The following GRM8 variants were observed in gnomAD, a reference collection of about 807,000 sequenced individuals.
The protein encoded by GRM8 is glutamate metabotropic receptor 8, also known as metabotropic glutamate receptor 8.
GRM8 carries 47 observed loss-of-function variants against 87.2 expected under a neutral mutation model. The observed-to-expected ratio is 0.54, with a 90% CI of 0.43 to 0.69. GRM8 has a LOEUF of 0.69. Ranked by LOEUF, GRM8 falls within the 30% of genes least tolerant of loss-of-function variation. The pLI, the probability that GRM8 is intolerant of heterozygous loss-of-function variation, is 0.00. For synonymous variants in GRM8, 396 were observed against 404.5 expected, an observed-to-expected ratio of 0.98 and a Z score of 0.25; for missense variants, 1,019 against 1,139.2, an observed-to-expected ratio of 0.89 and a Z score of 1.52.
intron 2 of GRM8, among the ~76,000 whole-genome samples, chr7:127,126,974 G>C (rs538296509): frequency 1.2e-4 from 18 of 151,962 alleles, no homozygotes; most frequent in Non-Finnish European, 1.9e-4. Context: ...ATAAAAAGAT[G>C]CTAAATCATA....
intron 2 of GRM8, among the ~76,000 whole-genome samples, chr7:127,192,148 T>C (rs763156966): frequency 1.3e-4 from 20 of 152,170 alleles, no homozygotes; most frequent in Non-Finnish European, 2.1e-4. Context: ...GATTAAGAAA[T>C]TCTACCTGGG....
At chr7:126,971,310 T>C (rs573241320) in intron 3 of GRM8, among the ~76,000 whole-genome samples, 1 of 152,064 alleles carries the variant, frequency 6.6e-6, no homozygotes, top group Non-Finnish European at 1.5e-5. Flanking sequence ...GTGGTAACAA[T>C]GTTAAAAACA....
chr7:126,617,914 G>C (rs1799687753), intron 7 of GRM8, among the ~76,000 whole-genome samples: 1 of 152,294 alleles, frequency 6.6e-6, no homozygotes, highest in Non-Finnish European at 1.5e-5. Context: ...CATCCTCATG[G>C]ATGGGAAGAA....
At chr7:126,476,313 A>T (rs1805903383) in intron 9 of GRM8, among the ~76,000 whole-genome samples, 1 of 152,114 alleles carries the variant, frequency 6.6e-6, no homozygotes, top group Non-Finnish European at 1.5e-5. Context: ...TCCAGCTAAG[A>T]GGCTGAGGTA....
At position 127,234,676 on chromosome 7, in the gene GRM8, C is replaced by T. The variant is rs148961215; in HGVS notation, c.510+8019G>A. On this transcript the variant is annotated intron_variant, in intron 2 of 10. Coordinates refer to ENST00000339582, the MANE Select transcript of GRM8 (RefSeq NM_000845.3). ...ATTAGAAATGGCAGTTCTCAGACCC[C>T]ACCCCGGGCCTCCCCGGACCCACTG... Among the ~76,000 whole-genome samples, 186 of 152,318 alleles carry T rather than the reference C, an allele frequency of 1.2e-3. 4 individuals are homozygous for T. Among genetic ancestry groups the T allele is most frequent in the African/African-American group, 4.3e-3 (180 of 41,574 alleles).
At chr7:126,837,260 G>C (rs1374567431) in intron 6 of GRM8, among the ~76,000 whole-genome samples, 1 of 152,090 alleles carries the variant, frequency 6.6e-6, no homozygotes, top group Admixed American at 6.5e-5. Context: ...TGCCACATCA[G>C]GTATATCAAA....
intron 7 of GRM8, among the ~76,000 whole-genome samples, chr7:126,635,576 T>G (rs1801776308): frequency 6.6e-6 from 1 of 152,138 alleles, no homozygotes; most frequent in African/African-American, 2.4e-5. Context: ...AGAAATATAA[T>G]TTTTACACCA....
At chr7:126,604,000 A>G (rs1798090573) in intron 8 of GRM8, among the ~76,000 whole-genome samples, 1 of 152,120 alleles carries the variant, frequency 6.6e-6, no homozygotes, top group Admixed American at 6.6e-5. Context: ...TGCATTAAAA[A>G]AAAACAGTTG....
At chr7:127,197,784 T>C (rs921175713) in intron 2 of GRM8, among the ~76,000 whole-genome samples, 4 of 152,194 alleles carry the variant, frequency 2.6e-5, no homozygotes, top group Non-Finnish European at 4.4e-5. Flanking sequence ...TATTCTTCAT[T>C]GTTCTTATCT....
At chr7:126,636,085 G>T (rs911812798) in intron 7 of GRM8, among the ~76,000 whole-genome samples, 13 of 152,166 alleles carry the variant, frequency 8.5e-5, no homozygotes, top group Non-Finnish European at 1.3e-4. Context: ...GAATTTTTAT[G>T]AAGCTATATT....
intron 2 of GRM8, among the ~76,000 whole-genome samples, chr7:127,240,998 C>G (rs1002667467): frequency 6.6e-6 from 1 of 152,212 alleles, no homozygotes. Context: ...GTCCTTCTCA[C>G]TGTCAAGAGG....
At chr7:127,223,437 ACACACG>A (rs1194488223) in intron 2 of GRM8, among the ~76,000 whole-genome samples, 9 of 77,074 alleles carry the variant, frequency 1.2e-4, no homozygotes, top group Non-Finnish European at 1.9e-4. Flanking sequence ...CACCACACAC[ACACACG>A]CACACACACA....
In GRM8 at chr7:126,803,073, T is replaced by C. The variant is rs564442177; in HGVS notation, c.1157-33008A>G. Among the ~76,000 whole-genome samples the C allele has an allele frequency of 1.6e-4, 25 of 152,338 alleles. 1 individual carries two copies. In the South Asian group the frequency reaches 3.5e-3, roughly 21 times the overall value. On this transcript the variant is annotated intron_variant, in intron 6 of 10. Coordinates refer to ENST00000339582, the MANE Select transcript of GRM8 (RefSeq NM_000845.3). ...AGATCAGTTTCCAAATAGTCACTTA[T>C]CTATTCGTAAATGAAAATCATCTTT... is the stretch of plus-strand genomic sequence containing the variant.
At position 127,152,838 on chromosome 7, in the gene GRM8, T is replaced by C. The variant is rs145777977; in HGVS notation, c.511-46126A>G. Among the ~76,000 whole-genome samples the C allele has an allele frequency of 3.3e-5, 5 of 152,294 alleles. No individual in the cohort carries two copies. The East Asian group carries it at 5.8e-4, about 18-fold the overall frequency. On this transcript the variant is annotated intron_variant, in intron 2 of 10. Coordinates refer to ENST00000339582, the MANE Select transcript of GRM8 (RefSeq NM_000845.3). ...AAAAATAATTTTCAGACATGTTTCA[T>C]AGGACTACAGTTCAACTGTTATATA...
rs140626606 is a variant in GRM8, at chr7:126,842,357, T to C, written c.1156+60185A>G. On this transcript the variant is annotated intron_variant, in intron 6 of 10. Transcript: ENST00000339582. ...AAGTGATTTCTAAGTTACAAACTGC[T>C]GAAGAGAAGAGGAACTCCCACCCAA... Among the ~76,000 whole-genome samples the C allele has an allele frequency of 4.5e-3, 691 of 152,272 alleles. 3 individuals are homozygous for C. The highest frequency in any genetic ancestry group is 0.014 in the South Asian group (68 of 4,816).
At chr7:127,057,276 G>A (rs889004403) in intron 3 of GRM8, among the ~76,000 whole-genome samples, 2 of 152,144 alleles carry the variant, frequency 1.3e-5, no homozygotes, top group South Asian at 2.1e-4. Context: ...TTAAGATGAA[G>A]AATCAAACAT....
intron 7 of GRM8, among the ~76,000 whole-genome samples, chr7:126,727,085 A>C (rs1354743775): frequency 6.6e-6 from 1 of 151,918 alleles, no homozygotes; most frequent in African/African-American, 2.4e-5. Context: ...TTTAATCATA[A>C]AAATAAAATA....
chr7:126,884,459 AT>A (rs1310499685), intron 6 of GRM8, among the ~76,000 whole-genome samples: 3 of 148,182 alleles, frequency 2.0e-5, no homozygotes, highest in Non-Finnish European at 4.4e-5. Context: ...TCATCTTTTT[AT>A]TTTTTTCATC....
chr7:126,623,648 T>C (rs1465395427), intron 7 of GRM8, among the ~76,000 whole-genome samples: 12 of 152,200 alleles, frequency 7.9e-5, no homozygotes. Flanking sequence ...TCAACTGGAC[T>C]GAACCCCCCT....
Sources: gnomAD v4.1 joint callset for allele counts (sites outside exome capture counted in the v4.1 genomes callset) on GRCh38, gnomAD v4.1.1 for gene constraint, MANE v1.5 for transcripts, NCBI Gene and HGNC (gene_info 2026-07-23, HGNC 2026-07-21) for gene names.